The following SRPRB variants were observed in gnomAD, a reference collection of about 807,000 sequenced individuals.
The protein encoded by SRPRB is SRP receptor subunit beta.
A neutral mutation model predicts 31.9 loss-of-function variants in SRPRB; 20 were observed. The ratio of observed to expected loss-of-function variants is 0.63; its 90% CI spans 0.44 to 0.91. The LOEUF is 0.91. Among genes scored for constraint, SRPRB ranks in the 40% least tolerant of loss-of-function variants. The pLI, the probability that SRPRB is intolerant of heterozygous loss-of-function variation, is 0.00. For synonymous variants in SRPRB, 146 were observed against 132.8 expected (o/e 1.10, Z -0.68); for missense variants, 321 against 324.9 (o/e 0.99, Z 0.09).
At position 133,811,105 on chromosome 3, in the gene SRPRB, T is replaced by C. The variant is rs1935254580; in HGVS notation, c.328-12T>C. On this transcript the variant is annotated splice_polypyrimidine_tract_variant and intron_variant, in intron 3 of 6. Coordinates refer to ENST00000678299, the MANE Select transcript of SRPRB (RefSeq NM_001379313.1). ...TGTATTGAAACGTTAATGTTATTGC[T>C]GCCATCCCCAGGGCAATAGTCTGAC... 4.3e-6 allele frequency: 7 copies of C among 1,613,930 alleles called. No homozygotes were observed. Among genetic ancestry groups the C allele is most frequent in the Non-Finnish European group, 5.1e-6 (6 of 1,179,836 alleles).
chr3:133,825,907 A>G (rs1935554463), downstream of SRPRB: 1 of 152,236 alleles, frequency 6.6e-6, no homozygotes, highest in South Asian at 2.1e-4. Context: ...GGATTCAGCA[A>G]AGATGCAATG....
upstream of SRPRB, among the ~76,000 whole-genome samples, chr3:133,804,347 G>T (rs994254684): frequency 1.3e-5 from 2 of 151,898 alleles, no homozygotes; most frequent in African/African-American, 4.8e-5. Flanking sequence ...AGAGAGGGAC[G>T]CTCTAAAAGA....
chr3:133,810,814 C>G (rs1935248933), intron 3 of SRPRB: 1 of 248,468 alleles, frequency 4.0e-6, no homozygotes, highest in Admixed American at 5.4e-5. Context: ...TCATGCTTCC[C>G]TGACTCCCCC....
chr3:133,789,707 G>A (rs1830083), intron 1 of SRPRB: 44,025 of 151,920 alleles, frequency 0.29, 7,069 homozygotes, highest in East Asian at 0.46. Context: ...TTCCTAAACA[G>A]GCTAGTTTTA....
chr3:133,803,463 G>A (rs891685535), upstream of SRPRB, among the ~76,000 whole-genome samples: 1 of 152,134 alleles, frequency 6.6e-6, no homozygotes, highest in African/African-American at 2.4e-5. Context: ...TTTGGCATCT[G>A]TTGATCACTA....
In SRPRB at chr3:133,789,879, G is replaced by GTTTTTTTTTTTTTTT. The variant is rs56267966; in HGVS notation, c.-174+5750_-174+5764dup. 8 of 88,982 alleles carry GTTTTTTTTTTTTTTT rather than the reference G, an allele frequency of 9.0e-5. 1 individual carries two copies. The highest frequency in any genetic ancestry group is 2.7e-4 in the African/African-American group (5 of 18,246). 5.5% of individuals were successfully genotyped at this position (88,982 alleles called of 1,614,324 possible). The stretch of plus-strand genomic sequence containing the variant: ...GCCAAAACAAAACGATCTCGTTTGC[G>GTTTTTTTTTTTTTTT]TTTTTTTTTTTTTTTTTTTTTTTTT... On this transcript the variant is annotated intron_variant, in intron 1 of 7. Coordinates refer to the SRPRB transcript ENST00000466490.
At chr3:133,808,288 G>T (rs768199198) in intron 3 of SRPRB, among the ~76,000 whole-genome samples, 1 of 150,580 alleles carries the variant, frequency 6.6e-6, no homozygotes, top group Non-Finnish European at 1.5e-5. Flanking sequence ...CGGATGTTCT[G>T]TGCATATACA....
At chr3:133,826,885 T>C (rs1337767188), downstream of SRPRB, 1 of 152,704 alleles carries the variant, frequency 6.5e-6, no homozygotes, top group Non-Finnish European at 1.5e-5. Flanking sequence ...TGAGCACATG[T>C]ATCTCCGTGA....
intron 4 of SRPRB, among the ~76,000 whole-genome samples, chr3:133,813,848 G>C (rs1935316350): frequency 1.3e-5 from 2 of 152,320 alleles, no homozygotes; most frequent in Admixed American, 1.3e-4. Context: ...TCCTTCTGTT[G>C]GGGCCATAGG....
Position 133,806,626 on chromosome 3 carries a change from C to T in SRPRB, c.172C>T (p.Arg58Trp). 3.1e-6 allele frequency: 5 copies of T among 1,613,996 alleles called. No individual in the cohort carries two copies. In the South Asian group the frequency reaches 4.4e-5, roughly 14 times the overall value. Reference sequence around the variant, plus strand: ...TTCCACAGTCTTCTGGAAGTTAATCCGGAGCAGAAGGAGCAGTCAGAGAGC... The same window carrying T: ...TTCCACAGTCTTCTGGAAGTTAATCTGGAGCAGAAGGAGCAGTCAGAGAGC... ...LLTLVFWKLI[R>W]SRRSSQRAVL... The change falls in exon 2 of 7, where the codon CGG becomes TGG. Residue 58 changes from arginine to tryptophan, a missense_variant. By Grantham distance (101) the Arg-to-Trp change is moderately radical. Coordinates refer to ENST00000678299, the MANE Select transcript of SRPRB (RefSeq NM_001379313.1).
At chr3:133,806,536 C>T in intron 1 of SRPRB, 73 bp from the exon 2 acceptor site, 1 of 1,143,992 alleles carries the variant, frequency 8.7e-7, no homozygotes, top group Non-Finnish European at 1.3e-6. Context: ...CTGTGAATTT[C>T]CCCACCCCAG....
chr3:133,811,882 C>T (rs531269459), intron 4 of SRPRB, among the ~76,000 whole-genome samples: 3 of 152,224 alleles, frequency 2.0e-5, no homozygotes, highest in Admixed American at 2.0e-4. Flanking sequence ...GCACCTGGCC[C>T]ATATATATTC....
In SRPRB at chr3:133,789,879, G is replaced by GTTTTTTTT. The variant is rs56267966; in HGVS notation, c.-174+5757_-174+5764dup. The GTTTTTTTT allele has an allele frequency of 1.5e-4, 13 of 88,982 alleles. 4 individuals are homozygous for GTTTTTTTT. Among genetic ancestry groups the GTTTTTTTT allele is most frequent in the African/African-American group, 3.3e-4 (6 of 18,246 alleles). The allele number at this position is 88,982 out of a possible 1,614,324, so 5.5% of individuals were successfully genotyped here. ...GCCAAAACAAAACGATCTCGTTTGC[G>GTTTTTTTT]TTTTTTTTTTTTTTTTTTTTTTTTT... On this transcript the variant is annotated intron_variant, in intron 1 of 7. Coordinates refer to the SRPRB transcript ENST00000466490.
At chr3:133,806,750 A>G (rs559411173) in intron 2 of SRPRB, 47 bp downstream of exon 2, 1 of 1,422,006 alleles carries the variant, frequency 7.0e-7, no homozygotes, top group Non-Finnish European at 9.9e-7. Flanking sequence ...AGAAAATTTT[A>G]TAGATCCCAG....
At chr3:133,793,926 A>G (rs1006576025) in intron 1 of SRPRB, 1 of 152,206 alleles carries the variant, frequency 6.6e-6, no homozygotes, top group African/African-American at 2.4e-5. Flanking sequence ...CTGCTAACCC[A>G]AGTAGAACAA....
At chr3:133,786,222 TAAAAAA>T (rs1553742153) in intron 1 of SRPRB, 1 of 84,352 alleles carries the variant, frequency 1.2e-5, no homozygotes, top group South Asian at 5.5e-4. Context: ...AAAAATAAAT[TAAAAAA>T]AAAAAAAAAA....
At chr3:133,827,541 T>A (rs1392659504), downstream of SRPRB, 5 of 237,314 alleles carry the variant, frequency 2.1e-5, no homozygotes, top group South Asian at 4.1e-4. Context: ...AGCAGCCTTC[T>A]GGAGACCCCA....
Position 133,806,122 on chromosome 3 carries a change from A to G in SRPRB, c.154+120A>G, listed in dbSNP as rs1935152623. The G allele has an allele frequency of 3.9e-6, 5 of 1,297,330 alleles. No individual in the cohort carries two copies. The South Asian group carries it at 7.7e-5, about 20-fold the overall frequency. The allele number at this position is 1,297,330 out of a possible 1,614,324, so 80.4% of individuals were successfully genotyped here. A position where few individuals can be genotyped will look rare whatever the true frequency, so the allele number is the denominator to read the frequency against. On this transcript the variant is annotated intron_variant, in intron 1 of 6. Coordinates refer to ENST00000678299, the MANE Select transcript of SRPRB (RefSeq NM_001379313.1). Reference sequence around the variant, plus strand: ...GCGCCTTGAGGGCATCAGGAGGGTGAGACCCACCCAGTCTACACCCCACCC... The same window carrying G: ...GCGCCTTGAGGGCATCAGGAGGGTGGGACCCACCCAGTCTACACCCCACCC...
At chr3:133,807,280 GTC>G (rs369829183) in intron 2 of SRPRB, among the ~76,000 whole-genome samples, 178 of 122,382 alleles carry the variant, frequency 1.5e-3, no homozygotes, top group African/African-American at 5.5e-3. Flanking sequence ...TTGAGGGAGT[GTC>G]TCACTCCAAT....
Sources: gnomAD v4.1 joint callset for allele counts (sites outside exome capture counted in the v4.1 genomes callset) on GRCh38, gnomAD v4.1.1 for gene constraint, MANE v1.5 for transcripts, NCBI Gene and HGNC (gene_info 2026-07-23, HGNC 2026-07-21) for gene names.